Variants in DMD observed in about 807,000 individuals in gnomAD.
DMD encodes the protein mutant dystrophin.
DMD carries 63 observed loss-of-function variants against 330.1 expected under a neutral mutation model. The observed-to-expected ratio is 0.19, with a 90% CI of 0.16 to 0.24. The LOEUF (loss-of-function observed/expected upper bound fraction) is 0.24. Among genes scored for constraint, DMD ranks in the 10% least tolerant of loss-of-function variants. The pLI is 1.00. For missense variants in DMD, 3,344 were observed against 2,684.1 expected, an observed-to-expected ratio of 1.25 and a Z score of -5.43; for synonymous variants, 1,223 against 959.8, an observed-to-expected ratio of 1.27 and a Z score of -5.07.
chrX:31,788,201 G>C (rs2091404661), intron 50 of DMD, among the ~76,000 whole-genome samples: 1 of 111,686 alleles, frequency 9.0e-6, no homozygotes, highest in African/African-American at 3.3e-5. Flanking sequence ...GTATGGAAAA[G>C]CTGTGAGCCC....
intron 43 of DMD, among the ~76,000 whole-genome samples, chrX:32,284,650 C>T (rs1320305166): frequency 8.9e-6 from 1 of 111,941 alleles, no homozygotes; most frequent in Non-Finnish European, 1.9e-5. Context: ...CTATTTTATA[C>T]ATCAGAAATG....
chrX:32,726,519 C>T (rs1031437668), intron 7 of DMD, among the ~76,000 whole-genome samples: 10 of 110,925 alleles, frequency 9.0e-5, no homozygotes, highest in Non-Finnish European at 1.7e-4. Flanking sequence ...AAATATTTTA[C>T]TCTCCTGGAA....
chrX:31,361,757 A>T (rs1299296392), intron 60 of DMD, among the ~76,000 whole-genome samples: 2 of 105,977 alleles, frequency 1.9e-5, no homozygotes, highest in African/African-American at 6.9e-5. Context: ...ACAAGTCATC[A>T]TTCTCTTACC....
intron 43 of DMD, among the ~76,000 whole-genome samples, chrX:32,258,256 C>A (rs190474817): frequency 3.6e-5 from 4 of 111,635 alleles, no homozygotes; most frequent in African/African-American, 3.3e-5. Context: ...GACAGTGTGG[C>A]GATTCCTCAA....
At chrX:32,226,665 G>C (rs780944952) in intron 43 of DMD, among the ~76,000 whole-genome samples, 1 of 111,122 alleles carries the variant, frequency 9.0e-6, no homozygotes, top group East Asian at 2.8e-4. Context: ...ATGAATGCTT[G>C]GATACACTAT....
chrX:31,753,354 C>T (rs955686969), intron 51 of DMD, among the ~76,000 whole-genome samples: 1 of 111,735 alleles, frequency 8.9e-6, no homozygotes, highest in African/African-American at 3.2e-5. Context: ...ACAAACAAAG[C>T]AGGCAGAAGG....
In DMD at chrX:31,478,388, A is replaced by G; in HGVS notation, c.8669-14T>C. ...CAGGAGGCAGCTCTAAATTGGCAAT[A>G]TGACAAGGTTTTAGGCCACATTCTT... On this transcript the variant is annotated splice_polypyrimidine_tract_variant and intron_variant, in intron 58 of 78. Coordinates refer to ENST00000357033, the MANE Select transcript of DMD (RefSeq NM_004006.3). 8.3e-7 allele frequency: 1 copy of G among 1,211,602 alleles called. No homozygotes were observed. Among genetic ancestry groups the G allele is most frequent in the Non-Finnish European group, 1.1e-6 (1 of 895,393 alleles).
At chrX:32,626,224 A>C (rs2058334941) in intron 11 of DMD, among the ~76,000 whole-genome samples, 1 of 111,941 alleles carries the variant, frequency 8.9e-6, no homozygotes, top group Non-Finnish European at 1.9e-5. Flanking sequence ...TAATCCCAGC[A>C]TTTTGGGAGG....
At chrX:31,366,497 C>CA (rs2059256971) in intron 60 of DMD, among the ~76,000 whole-genome samples, 10 of 28,272 alleles carry the variant, frequency 3.5e-4, no homozygotes, top group African/African-American at 8.9e-4. Context: ...AAAAAAAAAA[C>CA]ATAAAAAAAA....
chrX:32,033,667 A>G (rs1455573084), intron 44 of DMD, among the ~76,000 whole-genome samples: 1 of 66,452 alleles, frequency 1.5e-5, no homozygotes, highest in Non-Finnish European at 2.8e-5. Flanking sequence ...AAAGAAAGAA[A>G]GAAAGGAAGG....
At chrX:31,405,453 C>A (rs1287012866) in intron 60 of DMD, among the ~76,000 whole-genome samples, 1 of 111,231 alleles carries the variant, frequency 9.0e-6, no homozygotes, top group Admixed American at 9.6e-5. Context: ...TAATTTCCAG[C>A]AAAATCAAAA....
intron 1 of DMD, among the ~76,000 whole-genome samples, chrX:33,278,203 CA>C (rs969676522): frequency 9.0e-6 from 1 of 111,486 alleles, no homozygotes; most frequent in African/African-American, 3.3e-5. Context: ...ATTTTACATC[CA>C]GGGGGTATAT....
chrX:33,055,207 T>G (rs1485858184), intron 1 of DMD, among the ~76,000 whole-genome samples: 2 of 105,804 alleles, frequency 1.9e-5, no homozygotes, highest in African/African-American at 6.9e-5. Flanking sequence ...GGAAGAAGAG[T>G]TTTTCCAATA....
intron 15 of DMD, among the ~76,000 whole-genome samples, chrX:32,572,666 A>T (rs2149131738): frequency 9.1e-6 from 1 of 109,802 alleles, no homozygotes; most frequent in Non-Finnish European, 1.9e-5. Flanking sequence ...CACTCGAGGT[A>T]TTTATAATCA....
At chrX:33,201,996 G>T (rs2148830704) in intron 1 of DMD, among the ~76,000 whole-genome samples, 1 of 112,404 alleles carries the variant, frequency 8.9e-6, no homozygotes, top group Non-Finnish European at 1.9e-5. Context: ...CAAGATAACT[G>T]TTATGGATAT....
intron 44 of DMD, among the ~76,000 whole-genome samples, chrX:32,129,140 T>C (rs1404929937): frequency 8.9e-6 from 1 of 111,805 alleles, no homozygotes; most frequent in Non-Finnish European, 1.9e-5. Flanking sequence ...TTCAGATTAA[T>C]ATATCAGCTA....
At chrX:32,403,181 T>G (rs1240576574) in intron 30 of DMD, among the ~76,000 whole-genome samples, 1 of 112,108 alleles carries the variant, frequency 8.9e-6, no homozygotes, top group Non-Finnish European at 1.9e-5. Context: ...TGCTAAGTGT[T>G]ATCTGGCTGT....
chrX:33,186,301 A>C (rs753764002), intron 1 of DMD, among the ~76,000 whole-genome samples: 2 of 111,957 alleles, frequency 1.8e-5, no homozygotes, highest in Non-Finnish European at 3.8e-5. Flanking sequence ...CTCTCAATTC[A>C]ATATCTTCTG....
chrX:32,758,815 A>AT (rs2071844375), intron 7 of DMD, among the ~76,000 whole-genome samples: 1 of 111,789 alleles, frequency 8.9e-6, no homozygotes, highest in African/African-American at 3.3e-5. Flanking sequence ...AATAGGGGCC[A>AT]TGTGCTCCGC....
Sources: allele counts gnomAD v4.1 joint callset (sites outside exome capture counted in the v4.1 genomes callset), GRCh38; gene constraint gnomAD v4.1.1; transcripts MANE v1.5; gene names NCBI Gene and HGNC (gene_info 2026-07-23, HGNC 2026-07-21).